RELCH: variants seen among roughly 807,000 people sequenced by gnomAD.
RELCH encodes RAB11 binding and LisH domain, coiled-coil and HEAT repeat containing.
In RELCH, 41 loss-of-function variants were observed where a neutral mutation model predicts 150.3. The observed-to-expected ratio is 0.27, with a 90% CI of 0.21 to 0.35. RELCH has a LOEUF of 0.35. Ranked by LOEUF, RELCH falls within the 10% of genes least tolerant of loss-of-function variation. RELCH has a pLI of 1.00. For synonymous variants in RELCH, 478 were observed against 531.8 expected (o/e 0.90, Z 1.39); for missense variants, 1,092 against 1,467.8 (o/e 0.74, Z 4.18).
At chr18:62,207,306 C>A (rs1432107200) in intron 1 of RELCH, among the ~76,000 whole-genome samples, 2 of 152,164 alleles carry the variant, frequency 1.3e-5, no homozygotes, top group Non-Finnish European at 2.9e-5. Context: ...AGAGTTCATC[C>A]ATTGTTGTAG....
At chr18:62,203,378 A>G (rs1217772801) in intron 1 of RELCH, among the ~76,000 whole-genome samples, 1 of 151,980 alleles carries the variant, frequency 6.6e-6, no homozygotes, top group Non-Finnish European at 1.5e-5. Context: ...AATGGCTTGA[A>G]CCTGGGAGGC....
intron 20 of RELCH, among the ~76,000 whole-genome samples, chr18:62,272,195 C>A (rs566546518): frequency 6.6e-6 from 1 of 152,102 alleles, no homozygotes; most frequent in South Asian, 2.1e-4. Flanking sequence ...CTCTATTGTT[C>A]ATAAATTTGT....
intron 1 of RELCH, among the ~76,000 whole-genome samples, chr18:62,200,612 A>G (rs2039367804): frequency 6.6e-6 from 1 of 151,644 alleles, no homozygotes; most frequent in Middle Eastern, 3.4e-3. Context: ...TGGTCTATCC[A>G]GAAATTAGCC....
chr18:62,219,325 C>CTTTTTTTTTTTTTTTTTTTTTTT (rs202196452), intron 2 of RELCH, among the ~76,000 whole-genome samples: 14 of 112,852 alleles, frequency 1.2e-4, no homozygotes, highest in East Asian at 2.5e-4. Flanking sequence ...TTCTTTTTTT[C>CTTTTTTTTTTTTTTTTTTTTTTT]TTTTTTTTTT....
Position 62,187,766 on chromosome 18 carries a change from G to C in RELCH, c.261G>C (p.Glu87Asp). ...CAGTGGCCCTGGGGGGCACCGGGGAGACCCCGGCCCGATTATCAATTGATG... is the reference window on the plus strand; with the variant it reads ...CAGTGGCCCTGGGGGGCACCGGGGACACCCCGGCCCGATTATCAATTGATG... ...AAAVALGGTGETPARLSIDAI... is the reference protein window; with the variant it reads ...AAAVALGGTGDTPARLSIDAI... The change falls in exon 1 of 29, where the codon GAG (glutamate) becomes GAC (aspartate). Residue 87 changes from glutamate (E) to aspartate (D), a missense_variant. By Grantham distance (45) the Glu-to-Asp change is conservative. This residue lies in a region of RELCH where 138 missense variants were observed against 124.8 expected (regional missense o/e 1.11). Coordinates refer to ENST00000644646, the MANE Select transcript of RELCH (RefSeq NM_001346231.2). 6.2e-7 allele frequency: 1 copy of C among 1,610,458 alleles called. No homozygotes were observed. Among genetic ancestry groups the C allele is most frequent in the Non-Finnish European group, 8.5e-7 (1 of 1,178,308 alleles).
At chr18:62,280,857 T>C (rs1006897508) in intron 24 of RELCH, 148 bp downstream of exon 24, 9 of 583,622 alleles carry the variant, frequency 1.5e-5, no homozygotes, top group African/African-American at 3.7e-5. Flanking sequence ...TGTGAAAACA[T>C]GGTAGCCTAA....
At chr18:62,194,222 GAGA>G (rs1157441931) in intron 1 of RELCH, among the ~76,000 whole-genome samples, 6 of 152,142 alleles carry the variant, frequency 3.9e-5, no homozygotes, top group Non-Finnish European at 8.8e-5. Flanking sequence ...TCCAGCCTGG[GAGA>G]AAGAACGAGA....
chr18:62,249,149 C>G (rs2042572435), intron 11 of RELCH, among the ~76,000 whole-genome samples: 1 of 152,148 alleles, frequency 6.6e-6, no homozygotes. Context: ...AATTTCAGTA[C>G]TTGCTTTTCT....
chr18:62,259,769 A>G (rs1356592182), intron 15 of RELCH, among the ~76,000 whole-genome samples: 1 of 152,014 alleles, frequency 6.6e-6, no homozygotes, highest in Non-Finnish European at 1.5e-5. Context: ...ACATCTTGGT[A>G]TTGGCATAAA....
At chr18:62,229,520 G>GTGTGTA (rs1491500558) in intron 8 of RELCH, among the ~76,000 whole-genome samples, 80 of 142,396 alleles carry the variant, frequency 5.6e-4, no homozygotes, top group Non-Finnish European at 6.1e-4. Context: ...GTGTGTGTGT[G>GTGTGTA]TCTGTCTGTC....
intron 16 of RELCH, among the ~76,000 whole-genome samples, chr18:62,263,079 G>C (rs2043357024): frequency 6.6e-6 from 1 of 152,030 alleles, no homozygotes; most frequent in African/African-American, 2.4e-5. Context: ...GACATCGGTT[G>C]TGTTGGATAA....
At chr18:62,302,110 A>T (rs1333172572) in intron 28 of RELCH, among the ~76,000 whole-genome samples, 1 of 152,176 alleles carries the variant, frequency 6.6e-6, no homozygotes, top group Non-Finnish European at 1.5e-5. Flanking sequence ...TCAGATGTGA[A>T]CTCAATTTAA....
chr18:62,293,720 T>A (rs2045270732), intron 27 of RELCH, among the ~76,000 whole-genome samples: 1 of 152,046 alleles, frequency 6.6e-6, no homozygotes, highest in Non-Finnish European at 1.5e-5. Flanking sequence ...TTTAAAATAA[T>A]AATAATTAAA....
chr18:62,215,365 G>A (rs368755861), intron 2 of RELCH, among the ~76,000 whole-genome samples: 1 of 152,070 alleles, frequency 6.6e-6, no homozygotes, highest in African/African-American at 2.4e-5. Flanking sequence ...ACACTAATGA[G>A]TCTGTTTACC....
At chr18:62,299,724 T>C (rs938079438) in intron 28 of RELCH, among the ~76,000 whole-genome samples, 1 of 152,180 alleles carries the variant, frequency 6.6e-6, no homozygotes, top group African/African-American at 2.4e-5. Flanking sequence ...TACAGGTTTT[T>C]CTAACAAACA....
chr18:62,288,737 TATC>T (rs1158981756), intron 26 of RELCH, among the ~76,000 whole-genome samples: 1 of 152,146 alleles, frequency 6.6e-6, no homozygotes, highest in Non-Finnish European at 1.5e-5. Context: ...AAGCAGAACT[TATC>T]ATTCTTGATT....
intron 1 of RELCH, among the ~76,000 whole-genome samples, chr18:62,195,760 GT>G (rs2038991770): frequency 6.6e-6 from 1 of 150,860 alleles, no homozygotes; most frequent in Non-Finnish European, 1.5e-5. Flanking sequence ...CAGTGGTGCA[GT>G]CTTGGCTCAC....
At chr18:62,190,286 T>C (rs1383471473) in intron 1 of RELCH, among the ~76,000 whole-genome samples, 4 of 152,146 alleles carry the variant, frequency 2.6e-5, no homozygotes, top group African/African-American at 9.7e-5. Flanking sequence ...ACAATTAAAA[T>C]ACAGAACATC....
intron 13 of RELCH, among the ~76,000 whole-genome samples, chr18:62,256,550 T>C (rs959133611): frequency 6.6e-6 from 1 of 152,040 alleles, no homozygotes; most frequent in Non-Finnish European, 1.5e-5. Flanking sequence ...TCTACTCTGA[T>C]CCTAGAATAC....
Sources: gnomAD v4.1 joint callset for allele counts (sites outside exome capture counted in the v4.1 genomes callset) on GRCh38, gnomAD v4.1.1 for gene constraint, gnomAD v4.1.1 regional missense constraint, MANE v1.5 for transcripts, NCBI Gene and HGNC (gene_info 2026-07-23, HGNC 2026-07-21) for gene names.